Variants in NOL4 observed in about 807,000 individuals in gnomAD.
NOL4 encodes nucleolar protein 4, also known as cancer/testis antigen 125.
In NOL4, 17 loss-of-function variants were observed where a neutral mutation model predicts 75.9. The observed-to-expected ratio is 0.22, with a 90% CI of 0.15 to 0.34. NOL4 has a LOEUF of 0.34. Among genes scored for constraint, NOL4 ranks in the 10% least tolerant of loss-of-function variants. NOL4 has a pLI of 1.00. For synonymous variants in NOL4, 292 were observed against 289.9 expected, an observed-to-expected ratio of 1.01 and a Z score of -0.07; for missense variants, 614 against 793.5, an observed-to-expected ratio of 0.77 and a Z score of 2.72.
chr18:33,866,900 T>A (rs1473070119), intron 10 of NOL4, among the ~76,000 whole-genome samples: 1 of 152,092 alleles, frequency 6.6e-6, no homozygotes, highest in Non-Finnish European at 1.5e-5. Flanking sequence ...CAGGAAGCAA[T>A]CCCTAAAACC....
chr18:33,883,205 A>G, intron 10 of NOL4, 39 bp downstream of exon 10: 1 of 1,487,192 alleles, frequency 6.7e-7, no homozygotes, highest in South Asian at 1.3e-5. Flanking sequence ...TTAAAGTATA[A>G]TAATTAAAAA....
At chr18:34,045,311 A>G (rs1217055259) in intron 5 of NOL4, among the ~76,000 whole-genome samples, 1 of 152,152 alleles carries the variant, frequency 6.6e-6, no homozygotes, top group Non-Finnish European at 1.5e-5. Context: ...TTCTATTCTT[A>G]ATTTCTAGTG....
chr18:33,935,604 TTGTGGAGA>T (rs1219080245), intron 9 of NOL4, among the ~76,000 whole-genome samples: 1 of 152,048 alleles, frequency 6.6e-6, no homozygotes, highest in Non-Finnish European at 1.5e-5. Context: ...ATTTGAAATA[TTGTGGAGA>T]GTTACCAATA....
At chr18:34,051,589 T>C (rs1015357841) in intron 5 of NOL4, among the ~76,000 whole-genome samples, 2 of 152,112 alleles carry the variant, frequency 1.3e-5, no homozygotes, top group Non-Finnish European at 2.9e-5. Context: ...TTATTAGATA[T>C]TGTAGTAGGT....
intron 5 of NOL4, among the ~76,000 whole-genome samples, chr18:34,072,086 C>T (rs988107781): frequency 3.9e-5 from 6 of 151,978 alleles, no homozygotes; most frequent in Non-Finnish European, 7.4e-5. Flanking sequence ...CAAAAATTAG[C>T]CGGGCGTGGT....
At chr18:33,878,252 A>G (rs2144603225) in intron 10 of NOL4, among the ~76,000 whole-genome samples, 1 of 152,248 alleles carries the variant, frequency 6.6e-6, no homozygotes, top group South Asian at 2.1e-4. Context: ...GCTGCCCCAG[A>G]GTGCTCTCTT....
intron 9 of NOL4, among the ~76,000 whole-genome samples, chr18:33,887,583 T>G (rs931663687): frequency 7.0e-6 from 1 of 141,982 alleles, no homozygotes; most frequent in African/African-American, 2.5e-5. Context: ...CCCCACCCCC[T>G]GACAGGCGCC....
At chr18:34,118,340 G>A (rs2079961194) in intron 2 of NOL4, among the ~76,000 whole-genome samples, 1 of 152,040 alleles carries the variant, frequency 6.6e-6, no homozygotes, top group South Asian at 2.1e-4. Flanking sequence ...TAATCTCCTA[G>A]TGAAATTTTT....
At chr18:34,033,728 T>C (rs756234104) in intron 5 of NOL4, among the ~76,000 whole-genome samples, 45 of 152,098 alleles carry the variant, frequency 3.0e-4, no homozygotes, top group Non-Finnish European at 5.7e-4. Context: ...TGCAACAAGA[T>C]CTTCATGGCA....
intron 1 of NOL4, among the ~76,000 whole-genome samples, chr18:34,161,220 C>T (rs1344268436): frequency 1.3e-5 from 2 of 152,048 alleles, no homozygotes; most frequent in Non-Finnish European, 2.9e-5. Context: ...ATCTGTTGAT[C>T]GACACTTAGG....
At chr18:34,089,445 T>C (rs530399106) in intron 5 of NOL4, among the ~76,000 whole-genome samples, 1 of 152,112 alleles carries the variant, frequency 6.6e-6, no homozygotes, top group South Asian at 2.1e-4. Flanking sequence ...CAAAATAAAA[T>C]AATGATCTAT....
At chr18:33,952,241 T>C (rs1161659416) in intron 8 of NOL4, among the ~76,000 whole-genome samples, 2 of 152,192 alleles carry the variant, frequency 1.3e-5, no homozygotes, top group Non-Finnish European at 2.9e-5. Flanking sequence ...TAAGTAGCTC[T>C]GAAAAATATA....
intron 9 of NOL4, among the ~76,000 whole-genome samples, chr18:33,899,526 T>A (rs1473216892): frequency 6.6e-6 from 1 of 152,124 alleles, no homozygotes; most frequent in Non-Finnish European, 1.5e-5. Flanking sequence ...AGCTAAGGAA[T>A]TCCTGGCTAT....
At chr18:34,115,795 C>T (rs888102844) in intron 2 of NOL4, among the ~76,000 whole-genome samples, 3 of 152,146 alleles carry the variant, frequency 2.0e-5, no homozygotes, top group Non-Finnish European at 2.9e-5. Context: ...TAATCTCACC[C>T]TTGGTGTGTC....
chr18:33,958,656 T>C (rs1335426622), intron 6 of NOL4, among the ~76,000 whole-genome samples: 1 of 152,142 alleles, frequency 6.6e-6, no homozygotes, highest in Non-Finnish European at 1.5e-5. Flanking sequence ...AACGTTTCCT[T>C]CACTGCAGAA....
In NOL4 at chr18:34,169,466, GA is replaced by G. The variant is rs35084288; in HGVS notation, c.265-39447del. Among the ~76,000 whole-genome samples, 1,267 of 128,808 alleles carry G rather than the reference GA, an allele frequency of 9.8e-3. 19 individuals are homozygous for G. Among genetic ancestry groups the G allele is most frequent in the East Asian group, 0.045 (193 of 4,294 alleles). 84.5% of individuals were successfully genotyped at this position (128,808 alleles called of 152,430 possible). A position where few individuals can be genotyped will look rare whatever the true frequency, so the allele number is the denominator to read the frequency against. On this transcript the variant is annotated intron_variant, in intron 1 of 10. Coordinates refer to ENST00000261592, the MANE Select transcript of NOL4 (RefSeq NM_003787.5). ...AACAAATAACAGATTGGGCAAACAG[GA>G]AAAAAAAAAAAAACAGCAAGATGAT...
chr18:33,942,307 CAT>C (rs780452049), intron 9 of NOL4, among the ~76,000 whole-genome samples: 12 of 151,824 alleles, frequency 7.9e-5, no homozygotes, highest in Admixed American at 4.6e-4. Flanking sequence ...TTTAGTATAT[CAT>C]GTGATAATTT....
At chr18:33,896,687 T>C (rs1330204236) in intron 9 of NOL4, among the ~76,000 whole-genome samples, 1 of 152,094 alleles carries the variant, frequency 6.6e-6, no homozygotes, top group Admixed American at 6.6e-5. Flanking sequence ...ACTTAGGCAA[T>C]ATAATCCTGG....
intron 9 of NOL4, among the ~76,000 whole-genome samples, chr18:33,886,828 TATATATCTATATATCTAGATATATCTAC>T (rs1460930308): frequency 7.3e-6 from 1 of 137,796 alleles, no homozygotes; most frequent in Admixed American, 7.5e-5. Context: ...TCTATATACA[TATATATCTATATATCTAGATATATCTAC>T]ATATATCTAT....
Sources: allele counts gnomAD v4.1 joint callset (sites outside exome capture counted in the v4.1 genomes callset), GRCh38; gene constraint gnomAD v4.1.1; transcripts MANE v1.5; gene names NCBI Gene and HGNC (gene_info 2026-07-23, HGNC 2026-07-21).